The following ADAMTSL1 variants were observed in gnomAD, a reference collection of about 807,000 sequenced individuals.
ADAMTSL1 encodes the protein ADAMTS like 1.
ADAMTSL1 carries 126 observed loss-of-function variants against 201.8 expected under a neutral mutation model. The ratio of observed to expected loss-of-function variants is 0.62; its 90% CI spans 0.54 to 0.72. ADAMTSL1 has a LOEUF of 0.72. ADAMTSL1 is among the 30% of genes least tolerant of loss of function. ADAMTSL1 has a pLI of 0.00. For synonymous variants in ADAMTSL1, 1,121 were observed against 903.4 expected (o/e 1.24, Z -4.32); for missense variants, 2,679 against 2,277.8 (o/e 1.18, Z -3.59).
At chr9:18,899,480 G>A (rs543231133) in intron 26 of ADAMTSL1, among the ~76,000 whole-genome samples, 31 of 152,232 alleles carry the variant, frequency 2.0e-4, no homozygotes, top group Middle Eastern at 3.4e-3. Context: ...AAAAGAGCCC[G>A]AGTAGTCAAG....
chr9:18,155,920 G>A lies in ADAMTSL1; in HGVS notation c.88-7942G>A, dbSNP rs182697441. Among the ~76,000 whole-genome samples the A allele has an allele frequency of 2.0e-4, 31 of 152,160 alleles. 1 individual carries two copies. Among genetic ancestry groups the A allele is most frequent in the Non-Finnish European group, 7.4e-5 (5 of 67,966 alleles). On this transcript the variant is annotated intron_variant, in intron 1 of 29. Coordinates refer to the ADAMTSL1 transcript ENST00000680146. ...TACAAGAGATTTACTGGGAAAAAAG[G>A]TGAGGGGTCAGAGGATGCTGGAAGA...
chr9:18,508,360 A>G (rs1465552023), intron 2 of ADAMTSL1, among the ~76,000 whole-genome samples: 1 of 152,076 alleles, frequency 6.6e-6, no homozygotes, highest in Non-Finnish European at 1.5e-5. Context: ...GTGTGTAATG[A>G]AAGTGTGGAG....
At chr9:18,109,305 C>G (rs1244827392) in intron 1 of ADAMTSL1, among the ~76,000 whole-genome samples, 2 of 152,122 alleles carry the variant, frequency 1.3e-5, no homozygotes, top group African/African-American at 4.8e-5. Context: ...CCAGGAATCC[C>G]TCGGAAGGAC....
intron 15 of ADAMTSL1, among the ~76,000 whole-genome samples, chr9:18,730,859 G>C (rs1472781531): frequency 6.6e-6 from 1 of 152,154 alleles, no homozygotes; most frequent in Non-Finnish European, 1.5e-5. Context: ...TGGTCACTGA[G>C]TGGATAGACA....
chr9:18,473,042 G>A (rs552636750), upstream of ADAMTSL1, among the ~76,000 whole-genome samples: 1 of 152,218 alleles, frequency 6.6e-6, no homozygotes, highest in South Asian at 2.1e-4. Context: ...TGGCCTTGTC[G>A]TCATTTCACT....
chr9:18,132,323 C>T (rs923355047), intron 1 of ADAMTSL1, among the ~76,000 whole-genome samples: 1 of 152,104 alleles, frequency 6.6e-6, no homozygotes, highest in Non-Finnish European at 1.5e-5. Flanking sequence ...TCCCGTCTAC[C>T]TTTTGCGTGT....
chr9:18,658,036 G>A (rs925523586), intron 8 of ADAMTSL1, among the ~76,000 whole-genome samples: 3 of 146,460 alleles, frequency 2.0e-5, no homozygotes, highest in Non-Finnish European at 3.0e-5. Context: ...GTGCAGTGGC[G>A]CCATCTCGGC....
In ADAMTSL1 at chr9:18,829,898, T is replaced by C. The variant is rs761204914; in HGVS notation, c.4170T>C (p.Thr1390=). 6.2e-7 allele frequency: 1 copy of C among 1,613,966 alleles called. No individual in the cohort carries two copies. The highest frequency in any genetic ancestry group is 8.5e-7 in the Non-Finnish European group (1 of 1,179,888). ...ACATCAGGGCCTTGCTCGCTGCCAC[T>C]GGACCGAACCTTCCTTCAGTGCTGA... is the stretch of plus-strand genomic sequence containing the variant. ...LEDIRALLAA[T]GPNLPSVLTS... The change falls in exon 23 of 29, where the codon ACT becomes ACC. Residue 1390 remains threonine (T), a synonymous_variant. Transcript: ENST00000380548.
intron 1 of ADAMTSL1, among the ~76,000 whole-genome samples, chr9:17,992,330 G>A (rs1819190698): frequency 6.6e-6 from 1 of 152,058 alleles, no homozygotes; most frequent in Non-Finnish European, 1.5e-5. Context: ...TTAGAAGTGG[G>A]TACCTCCTAG....
At chr9:18,053,365 T>A (rs766817178) in intron 1 of ADAMTSL1, among the ~76,000 whole-genome samples, 8 of 152,070 alleles carry the variant, frequency 5.3e-5, no homozygotes, top group Non-Finnish European at 1.2e-4. Flanking sequence ...CAAAAAAAAA[T>A]ACCCTTGGGA....
At chr9:18,695,170 G>C (rs1831477075) in intron 13 of ADAMTSL1, among the ~76,000 whole-genome samples, 1 of 152,248 alleles carries the variant, frequency 6.6e-6, no homozygotes, top group African/African-American at 2.4e-5. Context: ...AGGCCTCCAG[G>C]CCTGTGATAG....
intron 16 of ADAMTSL1, among the ~76,000 whole-genome samples, chr9:18,761,425 C>G (rs949339936): frequency 1.3e-5 from 2 of 152,064 alleles, no homozygotes; most frequent in African/African-American, 4.8e-5. Flanking sequence ...GAACCCATGA[C>G]CTCATATCAT....
intron 1 of ADAMTSL1, among the ~76,000 whole-genome samples, chr9:17,988,975 A>G (rs1260080300): frequency 6.6e-6 from 1 of 151,836 alleles, no homozygotes; most frequent in Non-Finnish European, 1.5e-5. Context: ...GAACAAAATG[A>G]TTTTTGTCAG....
intron 3 of ADAMTSL1, among the ~76,000 whole-genome samples, chr9:18,566,306 C>G (rs768399632): frequency 6.6e-6 from 1 of 152,144 alleles, no homozygotes; most frequent in Non-Finnish European, 1.5e-5. Context: ...AACAAATATT[C>G]GAGTACCTGG....
chr9:18,353,649 A>G (rs988447125), intron 2 of ADAMTSL1, among the ~76,000 whole-genome samples: 98 of 152,204 alleles, frequency 6.4e-4, no homozygotes, highest in Non-Finnish European at 1.9e-4. Context: ...TTTATGGGTT[A>G]GATGTACTAT....
chr9:18,521,954 C>T (rs534909282), intron 2 of ADAMTSL1, among the ~76,000 whole-genome samples: 1 of 152,144 alleles, frequency 6.6e-6, no homozygotes, highest in Non-Finnish European at 1.5e-5. Flanking sequence ...TGCACAGACT[C>T]CAGTTCTAGT....
intron 1 of ADAMTSL1, among the ~76,000 whole-genome samples, chr9:17,998,953 A>T (rs1764582630): frequency 6.6e-6 from 1 of 151,922 alleles, no homozygotes; most frequent in Non-Finnish European, 1.5e-5. Context: ...TTATTTTTTT[A>T]AAGGGGTGAT....
At chr9:17,947,278 T>G (rs1827530496) in intron 1 of ADAMTSL1, among the ~76,000 whole-genome samples, 1 of 147,826 alleles carries the variant, frequency 6.8e-6, no homozygotes, top group Non-Finnish European at 1.5e-5. Context: ...ACTAATGTAA[T>G]GAAAAATTGT....
intron 2 of ADAMTSL1, among the ~76,000 whole-genome samples, chr9:18,195,988 A>C (rs1359430404): frequency 6.6e-6 from 1 of 152,184 alleles, no homozygotes; most frequent in Non-Finnish European, 1.5e-5. Flanking sequence ...AAGAAAAAAA[A>C]CAATTCATAC....
Sources: gnomAD v4.1 joint callset for allele counts (sites outside exome capture counted in the v4.1 genomes callset) on GRCh38, gnomAD v4.1.1 for gene constraint, MANE v1.5 for transcripts, NCBI Gene and HGNC (gene_info 2026-07-23, HGNC 2026-07-21) for gene names.